The following VAC14 variants were observed in gnomAD, a reference collection of about 807,000 sequenced individuals.
VAC14 encodes VAC14 component of PIKFYVE complex, also known as protein VAC14 homolog.
In VAC14, 47 loss-of-function variants were observed where a neutral mutation model predicts 85.3. That is an observed-to-expected ratio of 0.55 (90% CI 0.44 to 0.70). VAC14 has a LOEUF of 0.70. Ranked by LOEUF, VAC14 falls within the 30% of genes least tolerant of loss-of-function variation. The pLI, the probability that VAC14 is intolerant of heterozygous loss-of-function variation, is 0.00. For synonymous variants in VAC14, 447 were observed against 430.5 expected (o/e 1.04, Z -0.47); for missense variants, 861 against 1,004.3 (o/e 0.86, Z 1.93).
intron 12 of VAC14, among the ~76,000 whole-genome samples, chr16:70,746,064 CA>C (rs940868158): frequency 6.6e-6 from 1 of 152,136 alleles, no homozygotes; most frequent in Non-Finnish European, 1.5e-5. Context: ...ATCTAGAAAA[CA>C]AACAAAAAAG....
intron 1 of VAC14, among the ~76,000 whole-genome samples, chr16:70,796,026 A>G (rs2034531907): frequency 6.6e-6 from 1 of 152,150 alleles, no homozygotes; most frequent in African/African-American, 2.4e-5. Flanking sequence ...CACCCTTTTC[A>G]TTACGACTGA....
intron 14 of VAC14, among the ~76,000 whole-genome samples, chr16:70,705,389 A>T (rs2053901969): frequency 6.6e-6 from 1 of 152,248 alleles, no homozygotes; most frequent in African/African-American, 2.4e-5. Context: ...CCCTTGGTGG[A>T]CGCAGCCTGC....
intron 14 of VAC14, among the ~76,000 whole-genome samples, chr16:70,706,494 G>A (rs2053922419): frequency 6.6e-6 from 1 of 152,176 alleles, no homozygotes. Flanking sequence ...CACTGACCAT[G>A]CACAGAGGGG....
At chr16:70,795,395 G>A (rs2034502088) in intron 1 of VAC14, among the ~76,000 whole-genome samples, 1 of 151,704 alleles carries the variant, frequency 6.6e-6, no homozygotes, top group Admixed American at 6.6e-5. Flanking sequence ...TAGGGAGGCT[G>A]AGGCAGGAGA....
chr16:70,783,632 C>A, intron 5 of VAC14, 78 bp from the exon 6 acceptor site: 1 of 1,443,130 alleles, frequency 6.9e-7, no homozygotes, highest in South Asian at 1.1e-5. Context: ...TGGGACTGGG[C>A]TGTAGGAAGG....
chr16:70,691,583 G>A lies in VAC14; in HGVS notation c.2186+1238C>T, dbSNP rs568800875. On this transcript the variant is annotated intron_variant, in intron 18 of 18. Transcript: ENST00000261776. ...ACTGCATCAGGTGCTGTCTTCTGGG[G>A]ACCACCTGGCAGCACCCTGAGCAGC... The A allele has an allele frequency of 4.1e-6, 4 of 985,480 alleles. No individual in the cohort carries two copies. In the East Asian group the frequency reaches 3.4e-4, roughly 84 times the overall value. The allele number at this position is 985,480 out of a possible 1,614,324, so 61.0% of individuals were successfully genotyped here. A position where few individuals can be genotyped will look rare whatever the true frequency, so the allele number is the denominator to read the frequency against.
chr16:70,734,287 T>C (rs2054683094), intron 13 of VAC14, among the ~76,000 whole-genome samples: 1 of 152,128 alleles, frequency 6.6e-6, no homozygotes, highest in South Asian at 2.1e-4. Context: ...TACAGGCTTG[T>C]GCCATCACAC....
rs1448548836 is a variant in VAC14, at chr16:70,689,639, T to C, written c.2187-1549A>G. On this transcript the variant is annotated intron_variant, in intron 18 of 18. Transcript: ENST00000261776. ...GAAGATGCACCACCAGAAAACATCT[T>C]GGACATGTCTACGGCTGCGGCTGCT... The C allele has an allele frequency of 7.1e-6, 7 of 985,714 alleles. No individual in the cohort carries two copies. In the African/African-American group the frequency reaches 1.0e-4, roughly 15 times the overall value. 61.1% of individuals were successfully genotyped at this position (985,714 alleles called of 1,614,324 possible). A position where few individuals can be genotyped will look rare whatever the true frequency, so the allele number is the denominator to read the frequency against.
At chr16:70,761,863 C>T (rs187856997) in intron 12 of VAC14, among the ~76,000 whole-genome samples, 2 of 152,330 alleles carry the variant, frequency 1.3e-5, no homozygotes, top group African/African-American at 4.8e-5. Flanking sequence ...AGCAGGGGCC[C>T]GGCCCAGTGC....
Position 70,800,782 on chromosome 16 carries a change from C to G in VAC14, c.104+15G>C, listed in dbSNP as rs745478672. ...AGGGGCTGCATAGCCAGGGAGGGGTCCTGGCGGCTCTTACTTCTCGATCTC... is the reference window on the plus strand; with the variant it reads ...AGGGGCTGCATAGCCAGGGAGGGGTGCTGGCGGCTCTTACTTCTCGATCTC... On this transcript the variant is annotated intron_variant, in intron 1 of 18. Coordinates refer to ENST00000261776, the MANE Select transcript of VAC14 (RefSeq NM_018052.5). 1.4e-5 allele frequency: 22 copies of G among 1,607,482 alleles called. No homozygotes were observed. The highest frequency in any genetic ancestry group is 1.7e-6 in the Non-Finnish European group (2 of 1,176,524).
At chr16:70,768,474 G>C (rs1004586882) in intron 10 of VAC14, 1 of 235,424 alleles carries the variant, frequency 4.2e-6, no homozygotes, top group East Asian at 1.6e-4. Flanking sequence ...CCTCTCCCTG[G>C]GGAGTCCAAT....
chr16:70,800,867 G>A lies in VAC14; in HGVS notation c.34C>T (p.Pro12Ser), dbSNP rs1418553346. 6.2e-7 allele frequency: 1 copy of A among 1,605,958 alleles called. No homozygotes were observed. Among genetic ancestry groups the A allele is most frequent in the Non-Finnish European group, 8.5e-7 (1 of 1,176,134 alleles). The change falls in exon 1 of 19, where the codon CCT becomes TCT. Residue 12 changes from proline (P) to serine (S), a missense_variant. Coordinates refer to ENST00000261776, the MANE Select transcript of VAC14 (RefSeq NM_018052.5). Reference sequence around the variant, plus strand: ...TCATTGAGGGCGCGCACGATGTTAGGCGTGAGCGGCGCGAAATCCTTCTCG... The same window carrying A: ...TCATTGAGGGCGCGCACGATGTTAGACGTGAGCGGCGCGAAATCCTTCTCG... ...NPEKDFAPLT[P>S]NIVRALNDKL... is the part of the protein sequence containing the mutation.
intron 17 of VAC14, among the ~76,000 whole-genome samples, 169 bp downstream of exon 17, chr16:70,695,375 G>A (rs887251913): frequency 6.6e-6 from 1 of 152,166 alleles, no homozygotes; most frequent in Admixed American, 6.5e-5. Flanking sequence ...AGCCTCCAAA[G>A]TGCTGGGATT....
At chr16:70,695,701 T>A (rs1325685540) in intron 16 of VAC14, 78 bp from the exon 17 acceptor site, 4 of 1,397,724 alleles carry the variant, frequency 2.9e-6, no homozygotes, top group East Asian at 2.3e-5. Context: ...CCTCCCCCCC[T>A]GCACCTGGCT....
chr16:70,795,138 C>T (rs1386945678), intron 1 of VAC14, among the ~76,000 whole-genome samples: 1 of 152,114 alleles, frequency 6.6e-6, no homozygotes, highest in Non-Finnish European at 1.5e-5. Context: ...GTTGTTCACA[C>T]AATGATGAAA....
chr16:70,722,777 T>C (rs1347437693), intron 14 of VAC14, among the ~76,000 whole-genome samples: 1 of 152,062 alleles, frequency 6.6e-6, no homozygotes, highest in African/African-American at 2.4e-5. Context: ...TACCACTGTA[T>C]ATGCATTTTT....
At chr16:70,706,121 C>T (rs2053916051) in intron 14 of VAC14, among the ~76,000 whole-genome samples, 1 of 152,202 alleles carries the variant, frequency 6.6e-6, no homozygotes, top group Admixed American at 6.5e-5. Flanking sequence ...TGGTGGGGAC[C>T]CTGCCTGCAA....
intron 14 of VAC14, among the ~76,000 whole-genome samples, chr16:70,710,243 G>C (rs868222240): frequency 6.6e-6 from 1 of 152,250 alleles, no homozygotes; most frequent in Non-Finnish European, 1.5e-5. Context: ...TGTGGCATCT[G>C]CAAGGGACAC....
chr16:70,741,605 G>A (rs1315191438), intron 13 of VAC14, among the ~76,000 whole-genome samples: 3 of 152,212 alleles, frequency 2.0e-5, no homozygotes, highest in Admixed American at 6.5e-5. Context: ...TTCTCCTTCC[G>A]CAGCCCCCAC....
Sources: gnomAD v4.1 joint callset for allele counts (sites outside exome capture counted in the v4.1 genomes callset) on GRCh38, gnomAD v4.1.1 for gene constraint, MANE v1.5 for transcripts, NCBI Gene and HGNC (gene_info 2026-07-23, HGNC 2026-07-21) for gene names.